The following DNAH8 variants were observed in gnomAD, a reference collection of about 807,000 sequenced individuals.
DNAH8 encodes the protein dynein axonemal heavy chain 8.
Under a neutral mutation model 562.1 loss-of-function variants are expected in DNAH8, and 382 were observed. That is an observed-to-expected ratio of 0.68 (90% CI 0.63 to 0.74). The LOEUF (loss-of-function observed/expected upper bound fraction) is 0.74. DNAH8 is among the 30% of genes least tolerant of loss of function. The probability of loss-of-function intolerance (pLI) is 0.00; values close to 1 mark genes in which losing one functional copy is unlikely to be tolerated. For synonymous variants in DNAH8, 1,881 were observed against 1,919.4 expected (o/e 0.98, Z 0.52); for missense variants, 5,203 against 5,620.4 (o/e 0.93, Z 2.37).
At chr6:38,966,059 T>C (rs1026436696) in intron 82 of DNAH8, among the ~76,000 whole-genome samples, 2 of 151,838 alleles carry the variant, frequency 1.3e-5, no homozygotes, top group East Asian at 1.9e-4. Flanking sequence ...AATCAAGAAG[T>C]CAAAGGTATC....
chr6:38,939,339 C>T (rs1455949062), intron 79 of DNAH8, among the ~76,000 whole-genome samples: 1 of 152,078 alleles, frequency 6.6e-6, no homozygotes, highest in East Asian at 1.9e-4. Flanking sequence ...TTTCAGACTG[C>T]AAGAAAAGGC....
At chr6:38,851,163 A>G (rs1775710300) in intron 38 of DNAH8, among the ~76,000 whole-genome samples, 1 of 152,110 alleles carries the variant, frequency 6.6e-6, no homozygotes, top group Admixed American at 6.6e-5. Context: ...TAGGGTGATA[A>G]TACATCCTGG....
intron 8 of DNAH8, among the ~76,000 whole-genome samples, chr6:38,749,719 T>C (rs1424425638): frequency 6.6e-6 from 1 of 152,228 alleles, no homozygotes; most frequent in African/African-American, 2.4e-5. Flanking sequence ...GGAAGAACTT[T>C]CTCATAATCA....
intron 82 of DNAH8, among the ~76,000 whole-genome samples, chr6:38,961,139 TTAGAATTAGAG>T (rs1762581282): frequency 6.6e-6 from 1 of 151,898 alleles, no homozygotes. Context: ...ATTTGATCTC[TTAGAATTAGAG>T]TAGAATAGTG....
chr6:38,730,233 A>G (rs1374721414), intron 4 of DNAH8, among the ~76,000 whole-genome samples: 3 of 152,132 alleles, frequency 2.0e-5, no homozygotes, highest in Non-Finnish European at 4.4e-5. Flanking sequence ...GGGAATACAC[A>G]TTTTCATTAG....
In DNAH8 at chr6:38,826,153, C is replaced by G. The variant is rs1053217536; in HGVS notation, c.3848-3C>G. The G allele has an allele frequency of 6.3e-7, 1 of 1,584,004 alleles. No individual in the cohort carries two copies. The highest frequency in any genetic ancestry group is 1.4e-5 in the African/African-American group (1 of 73,638). On this transcript the variant is annotated splice_polypyrimidine_tract_variant and splice_region_variant and intron_variant, in intron 28 of 92. Coordinates refer to ENST00000327475, the MANE Select transcript of DNAH8 (RefSeq NM_001206927.2). The stretch of plus-strand genomic sequence containing the variant: ...TAATTTAATTTCTTCTTGTCTTCAT[C>G]AGAGCCGATGAAATTGGCCTTATCC...
At chr6:38,845,892 T>C (rs150926165) in intron 36 of DNAH8, 119 bp downstream of exon 36, 2 of 814,564 alleles carry the variant, frequency 2.5e-6, no homozygotes, top group Middle Eastern at 6.0e-4. Flanking sequence ...TTTGGTATTA[T>C]CTTGTCTGTT....
At chr6:38,904,792 C>CAAAAAAA in intron 62 of DNAH8, among the ~76,000 whole-genome samples, 1 of 86,368 alleles carries the variant, frequency 1.2e-5, no homozygotes, top group Non-Finnish European at 2.2e-5. Context: ...AACTCCGTCT[C>CAAAAAAA]AAAAAAAAAA....
rs1761343537 is a variant in DNAH8, at chr6:38,945,598, T to C, written c.12129+10T>C. 1.9e-6 allele frequency: 3 copies of C among 1,613,634 alleles called. No homozygotes were observed. In the South Asian group the frequency reaches 3.3e-5, roughly 18 times the overall value. Reference sequence around the variant, plus strand: ...AGAAATTATGAACCAGGTAATACAATAAAGGGCTGGTTGAAAGTGCAGATC... The same window carrying C: ...AGAAATTATGAACCAGGTAATACAACAAAGGGCTGGTTGAAAGTGCAGATC... On this transcript the variant is annotated intron_variant, in intron 80 of 92. Coordinates refer to ENST00000327475, the MANE Select transcript of DNAH8 (RefSeq NM_001206927.2).
chr6:38,874,072 CTTTCTT>C (rs1777732162), intron 52 of DNAH8, among the ~76,000 whole-genome samples: 4 of 47,248 alleles, frequency 8.5e-5, no homozygotes, highest in African/African-American at 1.1e-4. Context: ...CTTTCTTTTT[CTTTCTT>C]TCTTTCTTTC....
intron 22 of DNAH8, among the ~76,000 whole-genome samples, chr6:38,804,758 G>T (rs748153556): frequency 1.7e-4 from 23 of 132,678 alleles, no homozygotes; most frequent in Non-Finnish European, 3.3e-4. Context: ...GACATAGCAA[G>T]AAGAGAGAGA....
intron 58 of DNAH8, among the ~76,000 whole-genome samples, chr6:38,891,415 T>C (rs1779332395): frequency 6.6e-6 from 1 of 152,270 alleles, no homozygotes. Context: ...TTAGTTGTCG[T>C]AATTCACTAC....
rs377390064 is a variant in DNAH8, at chr6:38,917,903, A to G, written c.10309-22A>G. The G allele has an allele frequency of 9.0e-6, 14 of 1,548,310 alleles. No homozygotes were observed. In the Admixed American group the frequency reaches 1.3e-4, roughly 15 times the overall value. ...GAAAGTATTTTCTTCCAGAACTTAC[A>G]GGTTATAATACTATTTTTCAGTTGA... On this transcript the variant is annotated intron_variant, in intron 69 of 92. Coordinates refer to ENST00000327475, the MANE Select transcript of DNAH8 (RefSeq NM_001206927.2).
At chr6:39,010,149 A>AAT (rs72550176) in intron 89 of DNAH8, among the ~76,000 whole-genome samples, 1 of 28,118 alleles carries the variant, frequency 3.6e-5, no homozygotes. Flanking sequence ...TCCAGCAGAA[A>AAT]CAGCATCAGG....
chr6:38,954,781 A>G (rs1470467779), intron 82 of DNAH8, among the ~76,000 whole-genome samples: 2 of 152,210 alleles, frequency 1.3e-5, no homozygotes, highest in Non-Finnish European at 2.9e-5. Flanking sequence ...ATATGAATTT[A>G]GAAAATTTCC....
intron 41 of DNAH8, among the ~76,000 whole-genome samples, chr6:38,855,133 A>G (rs957207581): frequency 1.3e-5 from 2 of 151,804 alleles, no homozygotes; most frequent in Admixed American, 1.3e-4. Context: ...ATCTCTAACT[A>G]TCAAGTTAAT....
chr6:38,779,901 A>G (rs555787602), intron 14 of DNAH8, 65 bp from the exon 15 acceptor site: 28 of 1,431,740 alleles, frequency 2.0e-5, no homozygotes, highest in Non-Finnish European at 2.5e-5. Flanking sequence ...GATGGTTAGT[A>G]TGACAGCAAG....
intron 44 of DNAH8, among the ~76,000 whole-genome samples, chr6:38,863,636 C>T (rs1776812206): frequency 6.6e-6 from 1 of 152,150 alleles, no homozygotes; most frequent in African/African-American, 2.4e-5. Context: ...AAAATACCCC[C>T]AAAATTTGTA....
rs766903882 is a variant in DNAH8, at chr6:38,971,757, C to G, written c.12525+92C>G. ...CACATTCTTCTCGTGATGCTCAATC[C>G]TGGTTTTTCCATTTTTGTTTATCAT... On this transcript the variant is annotated intron_variant, in intron 83 of 92. Transcript: ENST00000327475. 10 of 974,382 alleles carry G rather than the reference C, an allele frequency of 1.0e-5. No homozygotes were observed. In the South Asian group the frequency reaches 1.9e-4, roughly 18 times the overall value. The allele number at this position is 974,382 out of a possible 1,614,324, so 60.4% of individuals were successfully genotyped here.
Sources: gnomAD v4.1 joint callset for allele counts (sites outside exome capture counted in the v4.1 genomes callset) on GRCh38, gnomAD v4.1.1 for gene constraint, MANE v1.5 for transcripts, NCBI Gene and HGNC (gene_info 2026-07-23, HGNC 2026-07-21) for gene names.